Variants in ADAMTS15 observed in about 807,000 individuals in gnomAD.
ADAMTS15 encodes the protein ADAM metallopeptidase with thrombospondin type 1 motif 15.
A neutral mutation model predicts 79.1 loss-of-function variants in ADAMTS15; 35 were observed. The observed-to-expected ratio is 0.44, with a 90% CI of 0.34 to 0.59. ADAMTS15 has a LOEUF of 0.59. Ranked by LOEUF, ADAMTS15 falls within the 20% of genes least tolerant of loss-of-function variation. ADAMTS15 has a pLI of 0.02. For synonymous variants in ADAMTS15, 616 were observed against 567.3 expected (o/e 1.09, Z -1.22); for missense variants, 1,324 against 1,318.7 (o/e 1.00, Z -0.06).
intron 1 of ADAMTS15, among the ~76,000 whole-genome samples, chr11:130,453,344 C>CT (rs1431785655): frequency 9.2e-5 from 12 of 130,290 alleles, no homozygotes; most frequent in South Asian, 7.5e-4. Context: ...TTTCTTTCTT[C>CT]TTTTTTTTTA....
At chr11:130,470,152 G>GTATATATATATACATATATATATATATA (rs1157689519) in intron 5 of ADAMTS15, among the ~76,000 whole-genome samples, 8 of 73,752 alleles carry the variant, frequency 1.1e-4, no homozygotes, top group African/African-American at 5.5e-4. Context: ...ATATATATAT[G>GTATATATATATACATATATATATATATA]TGTATATATA....
At position 130,449,823 on chromosome 11, in the gene ADAMTS15, A is replaced by C. The variant is rs1401322323; in HGVS notation, c.850A>C (p.Asn284His). 1 of 1,610,394 alleles carries C rather than the reference A, an allele frequency of 6.2e-7. No individual in the cohort carries two copies. Among genetic ancestry groups the C allele is most frequent in the Admixed American group, 1.7e-5 (1 of 60,032 alleles). ...TGACTCCGGGCCCAAGGTCACCGGCAATGCGGCCCTGACGCTGCGCAACTT... is the reference window on the plus strand; with the variant it reads ...TGACTCCGGGCCCAAGGTCACCGGCCATGCGGCCCTGACGCTGCGCAACTT... ...DRDSGPKVTG[N>H]AALTLRNFCA... Residue 284 changes from asparagine to histidine, a missense_variant, in exon 1 of 8, where the codon AAT (asparagine) becomes CAT (histidine). Coordinates refer to ENST00000299164, the MANE Select transcript of ADAMTS15 (RefSeq NM_139055.4). This position sits in a 1 kb window ranked among gnomAD's most constrained non-coding sequence, Gnocchi z 7.8.
rs1938231894 is a variant in ADAMTS15 at position 130,462,842 on chromosome 11, C to T, written c.1542+62C>T. ...GGAGGAGGGATGGAGACCCGGGGGC[C>T]TCGTCTGCCCTTGGTCTTCACCAGG... On this transcript the variant is annotated intron_variant, in intron 4 of 7. Coordinates refer to ENST00000299164, the MANE Select transcript of ADAMTS15 (RefSeq NM_139055.4). This position sits in a 1 kb window ranked among gnomAD's most constrained non-coding sequence, Gnocchi z 4.3. 6.5e-7 allele frequency: 1 copy of T among 1,530,662 alleles called. No individual in the cohort carries two copies. Among genetic ancestry groups the T allele is most frequent in the Non-Finnish European group, 8.8e-7 (1 of 1,134,836 alleles). The allele number at this position is 1,530,662 out of a possible 1,614,324, so 94.8% of individuals were successfully genotyped here.
At chr11:130,456,421 A>C (rs1261754494) in intron 1 of ADAMTS15, among the ~76,000 whole-genome samples, 1 of 152,200 alleles carries the variant, frequency 6.6e-6, no homozygotes, top group Non-Finnish European at 1.5e-5. Context: ...ATGCCAGTGA[A>C]ATAGAATCTG....
chr11:130,453,179 G>GTCC (rs1373925656), intron 1 of ADAMTS15, among the ~76,000 whole-genome samples: 6 of 152,074 alleles, frequency 3.9e-5, no homozygotes, highest in Non-Finnish European at 8.8e-5. Flanking sequence ...TGGCTGCGGA[G>GTCC]TCGGGGCTGG....
intron 1 of ADAMTS15, chr11:130,450,277 A>T (rs1937937336): frequency 1.0e-6 from 1 of 985,358 alleles, no homozygotes; most frequent in Non-Finnish European, 1.2e-6. Flanking sequence ...AGACGCCGTG[A>T]GGATGGTGTT....
rs986811276 is a variant in ADAMTS15 at position 130,449,198 on chromosome 11, G to A, written c.225G>A (p.Leu75=). 17 of 1,613,942 alleles carry A rather than the reference G, an allele frequency of 1.1e-5. No individual in the cohort carries two copies. The highest frequency in any genetic ancestry group is 1.3e-5 in the Non-Finnish European group (15 of 1,179,884). ...ACCTGACGCCGGATGCTCAGTTCTT[G>A]GCTCCCGCCTTCTCCACTGAGCATC... ...YLHLTPDAQF[L]APAFSTEHLG... Residue 75 remains leucine, a synonymous_variant, in exon 1 of 8, where the codon TTG becomes TTA. Transcript: ENST00000299164. This position sits in a 1 kb window ranked among gnomAD's most constrained non-coding sequence, Gnocchi z 7.8.
At position 130,469,974 on chromosome 11, in the gene ADAMTS15, A is replaced by G. The variant is rs553848996; in HGVS notation, c.1720+535A>G. Among the ~76,000 whole-genome samples, 23 of 151,452 alleles carry G rather than the reference A, an allele frequency of 1.5e-4. No individual in the cohort carries two copies. In the East Asian group the frequency reaches 4.3e-3, roughly 28 times the overall value. Reference sequence around the variant, plus strand: ...TTCAGTTAGACAACAAAACTACAATAGTAGTAGAAGTACCTGTGACTTTGT... The same window carrying G: ...TTCAGTTAGACAACAAAACTACAATGGTAGTAGAAGTACCTGTGACTTTGT... On this transcript the variant is annotated intron_variant, in intron 5 of 7. Coordinates refer to ENST00000299164, the MANE Select transcript of ADAMTS15 (RefSeq NM_139055.4).
intron 4 of ADAMTS15, among the ~76,000 whole-genome samples, chr11:130,468,648 C>T (rs993408535): frequency 2.8e-4 from 43 of 151,716 alleles, no homozygotes; most frequent in African/African-American, 1.0e-3. Context: ...GCCTGTAATC[C>T]CAGCTACTCG....
At position 130,470,212 on chromosome 11, in the gene ADAMTS15, A is replaced by ATATATATACATG. The variant is rs1555081097; in HGVS notation, c.1721-700_1721-699insCATGTATATATA. ...TATATATATATATATATATATATGTATATATATATATATTTTCTGAGGTAG... is the reference window on the plus strand; with the variant it reads ...TATATATATATATATATATATATGTATATATATACATGTATATATATATATTTTCTGAGGTAG... On this transcript the variant is annotated intron_variant, in intron 5 of 7. Transcript: ENST00000299164. 8.8e-4 allele frequency among the ~76,000 whole-genome samples: 46 copies of ATATATATACATG among 52,258 alleles called. 1 individual carries two copies. Among genetic ancestry groups the ATATATATACATG allele is most frequent in the African/African-American group, 1.7e-3 (15 of 8,848 alleles). The allele number at this position is 52,258 out of a possible 152,430, so 34.3% of individuals were successfully genotyped here.
At chr11:130,470,192 A>ACATG (rs1938417948) in intron 5 of ADAMTS15, among the ~76,000 whole-genome samples, 7 of 51,976 alleles carry the variant, frequency 1.3e-4, no homozygotes, top group Admixed American at 3.3e-4. Context: ...GTGTGTATAT[A>ACATG]TATATATATA....
intron 5 of ADAMTS15, among the ~76,000 whole-genome samples, chr11:130,470,168 A>ATATGTATG (rs1565397724): frequency 6.8e-5 from 4 of 58,688 alleles, no homozygotes; most frequent in East Asian, 3.4e-4. Flanking sequence ...ATATATATAT[A>ATATGTATG]TATATATATA....
At position 130,449,470 on chromosome 11, in the gene ADAMTS15, C is replaced by T. The variant is rs1428979500; in HGVS notation, c.497C>T (p.Pro166Leu). Residue 166 changes from proline to leucine, a missense_variant, in exon 1 of 8, where the codon CCT (proline) becomes CTT (leucine). Physicochemically the swap from Pro to Leu is moderately conservative, Grantham distance 98. Coordinates refer to ENST00000299164, the MANE Select transcript of ADAMTS15 (RefSeq NM_139055.4). The surrounding 1 kb of genome is among the most constrained non-coding windows in gnomAD (Gnocchi z 7.8). ...CAGCGCCGGGGTGTTCCGGGCGGGC[C>T]TTCCGGAGACCCCACCTCTCGCTGC... ...LLQRRGVPGG[P>L]SGDPTSRCGV... The T allele has an allele frequency of 5.7e-6, 9 of 1,567,188 alleles. No homozygotes were observed. The highest frequency in any genetic ancestry group is 1.7e-5 in the Admixed American group (1 of 57,502).
chr11:130,467,346 G>A (rs913908888), intron 4 of ADAMTS15, among the ~76,000 whole-genome samples: 11 of 152,268 alleles, frequency 7.2e-5, no homozygotes, highest in South Asian at 2.1e-4. Context: ...AAGAGCAAAC[G>A]TGGGTGACGC....
Position 130,469,336 on chromosome 11 carries a change from C to G in ADAMTS15, c.1617C>G (p.Ala539=). The change falls in exon 5 of 8, where the codon GCC becomes GCG. Residue 539 remains alanine, a synonymous_variant. Coordinates refer to ENST00000299164, the MANE Select transcript of ADAMTS15 (RefSeq NM_139055.4). Reference sequence around the variant, plus strand: ...CATGTGGTGGGGGCGTGCAGCTGGCCAGGAGGCAGTGCACCAACCCCACCC... The same window carrying G: ...CATGTGGTGGGGGCGTGCAGCTGGCGAGGAGGCAGTGCACCAACCCCACCC... ...SRTCGGGVQL[A]RRQCTNPTPA... is the part of the protein sequence containing the mutation. 1 of 1,374,554 alleles carries G rather than the reference C, an allele frequency of 7.3e-7. No homozygotes were observed. The highest frequency in any genetic ancestry group is 9.5e-7 in the Non-Finnish European group (1 of 1,056,568). 85.1% of individuals were successfully genotyped at this position (1,374,554 alleles called of 1,614,324 possible). A position where few individuals can be genotyped will look rare whatever the true frequency, so the allele number is the denominator to read the frequency against.
chr11:130,450,176 G>A, intron 1 of ADAMTS15: 2 of 985,494 alleles, frequency 2.0e-6, no homozygotes, highest in Non-Finnish European at 2.4e-6. Flanking sequence ...GCCTGGCGCG[G>A]CCAATCAGCG....
rs764327423 is a variant in ADAMTS15 at position 130,462,190 on chromosome 11, C to T, written c.1194C>T (p.Asp398=). Reference sequence around the variant, plus strand: ...TGTCCCCGACCCTCATCCAGATCGACCGTGCCAACCCCTGGTCAGCCTGCA... The same window carrying T: ...TGTCCCCGACCCTCATCCAGATCGATCGTGCCAACCCCTGGTCAGCCTGCA... ...HMMSPTLIQI[D]RANPWSACSA... is the part of the protein sequence containing the mutation. The change falls in exon 3 of 8, where the codon GAC becomes GAT. Residue 398 remains aspartate, a synonymous_variant. Transcript: ENST00000299164. The surrounding 1 kb of genome is among the most constrained non-coding windows in gnomAD (Gnocchi z 4.3). 2 of 1,614,216 alleles carry T rather than the reference C, an allele frequency of 1.2e-6. No individual in the cohort carries two copies. Among genetic ancestry groups the T allele is most frequent in the Non-Finnish European group, 1.7e-6 (2 of 1,180,036 alleles).
chr11:130,471,865 T>C (rs1245225746), intron 7 of ADAMTS15, among the ~76,000 whole-genome samples: 1 of 152,210 alleles, frequency 6.6e-6, no homozygotes, highest in Non-Finnish European at 1.5e-5. Flanking sequence ...CATCGTAGCT[T>C]CACCTTGATG....
chr11:130,470,113 C>T lies in ADAMTS15; in HGVS notation c.1720+674C>T, dbSNP rs532269917. 6.6e-3 allele frequency among the ~76,000 whole-genome samples: 775 copies of T among 116,768 alleles called. 10 individuals are homozygous for T. The highest frequency in any genetic ancestry group is 9.8e-3 in the Non-Finnish European group (580 of 58,924). The allele number at this position is 116,768 out of a possible 152,430, so 76.6% of individuals were successfully genotyped here. ...ATTATAGTAGTTATCAGGTTCATTA[C>T]TGAATCATATATATATATACATATA... On this transcript the variant is annotated intron_variant, in intron 5 of 7. Transcript: ENST00000299164.
Sources: allele counts gnomAD v4.1 joint callset (sites outside exome capture counted in the v4.1 genomes callset), GRCh38; gene constraint gnomAD v4.1.1; non-coding constraint Gnocchi (gnomAD v3.1); transcripts MANE v1.5; gene names NCBI Gene and HGNC (gene_info 2026-07-23, HGNC 2026-07-21).